CREB3L3: variants seen among roughly 807,000 people sequenced by gnomAD.
The protein encoded by CREB3L3 is cyclic AMP-responsive element-binding protein 3-like protein 3.
Under a neutral mutation model 44.6 loss-of-function variants are expected in CREB3L3, and 40 were observed. That is an observed-to-expected ratio of 0.90 (90% CI 0.70 to 1.17). CREB3L3 has a LOEUF of 1.17. Ranked by LOEUF, CREB3L3 falls within the 50% of genes most tolerant of loss-of-function variation. The probability of loss-of-function intolerance (pLI) is 0.00; values close to 1 mark genes in which losing one functional copy is unlikely to be tolerated. For missense variants in CREB3L3, 578 were observed against 595.8 expected (o/e 0.97, Z 0.31); for synonymous variants, 273 against 256.3 (o/e 1.06, Z -0.62).
chr19:4,171,246 T>G lies in CREB3L3; in HGVS notation c.975+71T>G. 1.3e-6 allele frequency: 2 copies of G among 1,485,174 alleles called. No individual in the cohort carries two copies. Among genetic ancestry groups the G allele is most frequent in the Non-Finnish European group, 1.9e-6 (2 of 1,063,534 alleles). The allele number at this position is 1,485,174 out of a possible 1,614,324, so 92.0% of individuals were successfully genotyped here. A position where few individuals can be genotyped will look rare whatever the true frequency, so the allele number is the denominator to read the frequency against. On this transcript the variant is annotated intron_variant, in intron 8 of 9. Coordinates refer to ENST00000078445, the MANE Select transcript of CREB3L3 (RefSeq NM_032607.3). This position sits in a 1 kb window ranked among gnomAD's most constrained non-coding sequence, Gnocchi z 4.9. ...AGAGGGGCCCATAGGGAGGTGACAATGAGTCCAAGCTCTCCTTGTGCCCCA... is the reference window on the plus strand; with the variant it reads ...AGAGGGGCCCATAGGGAGGTGACAAGGAGTCCAAGCTCTCCTTGTGCCCCA...
At position 4,173,009 on chromosome 19, in the gene CREB3L3, C is replaced by G. The variant is rs1044513907; in HGVS notation, c.*1040C>G. The G allele has an allele frequency of 2.6e-5, 4 of 152,902 alleles. No individual in the cohort carries two copies. The highest frequency in any genetic ancestry group is 6.5e-5 in the Admixed American group (1 of 15,298). 9.5% of individuals were successfully genotyped at this position (152,902 alleles called of 1,614,324 possible). ...GAGCAGCCACGGCCCACAATCACCCCCCTTTTCTAAGACTGCCTGATCCGA... is the reference window on the plus strand; with the variant it reads ...GAGCAGCCACGGCCCACAATCACCCGCCTTTTCTAAGACTGCCTGATCCGA... On this transcript the variant is annotated 3_prime_UTR_variant, in exon 10 of 10. Transcript: ENST00000078445.
chr19:4,157,119 C>A lies in CREB3L3; in HGVS notation c.281C>A (p.Pro94His). ...GSDSGISEDL[P>H]SDPQDTPPRS... The stretch of plus-strand genomic sequence containing the variant: ...GATAGTGGCATCTCCGAAGACCTCC[C>A]CTCCGACCCCCAGGACACCCCTCCA... The change falls in exon 3 of 10, where the codon CCC becomes CAC. Residue 94 changes from proline (P) to histidine (H), a missense_variant. Physicochemically the swap from Pro to His is moderately conservative, Grantham distance 77. Coordinates refer to ENST00000078445, the MANE Select transcript of CREB3L3 (RefSeq NM_032607.3). 1 of 1,614,062 alleles carries A rather than the reference C, an allele frequency of 6.2e-7. No homozygotes were observed. The highest frequency in any genetic ancestry group is 1.3e-5 in the African/African-American group (1 of 75,022).
At chr19:4,163,426 T>C (rs1202522332) in intron 4 of CREB3L3, among the ~76,000 whole-genome samples, 2 of 152,176 alleles carry the variant, frequency 1.3e-5, no homozygotes, top group South Asian at 2.1e-4. Context: ...TGAGGATATC[T>C]GTAGGACTGA....
At position 4,171,737 on chromosome 19, in the gene CREB3L3, G is replaced by A. The variant is rs138185635; in HGVS notation, c.1154G>A (p.Arg385Gln). 17 of 1,613,146 alleles carry A rather than the reference G, an allele frequency of 1.1e-5. No individual in the cohort carries two copies. The highest frequency in any genetic ancestry group is 6.7e-5 in the African/African-American group (5 of 74,888). ...CCAGGCTCCGAGGCCCCAGGACCCC[G>A]ACCCGAGGCTGACACAACCCGAGAA... is the stretch of plus-strand genomic sequence containing the variant. ...AVPGSEAPGP[R>Q]PEADTTREES... is the part of the protein sequence containing the mutation. Residue 385 changes from arginine (R) to glutamine (Q), a missense_variant, in exon 10 of 10, where the codon CGA becomes CAA. Physicochemically the swap from Arg to Gln is conservative, Grantham distance 43. Transcript: ENST00000078445. This position sits in a 1 kb window ranked among gnomAD's most constrained non-coding sequence, Gnocchi z 4.9.
intron 3 of CREB3L3, among the ~76,000 whole-genome samples, chr19:4,158,842 G>A (rs1260252698): frequency 6.6e-6 from 1 of 151,086 alleles, no homozygotes; most frequent in African/African-American, 2.4e-5. Flanking sequence ...GAGAGGTGAA[G>A]TCACTTACTC....
intron 7 of CREB3L3, 96 bp from the exon 8 acceptor site, chr19:4,170,995 A>C (rs1429757706): frequency 3.6e-5 from 30 of 833,752 alleles, no homozygotes; most frequent in Non-Finnish European, 6.4e-5. Context: ...AATGGATGGA[A>C]TTTGGACTTT....
At position 4,172,098 on chromosome 19, in the gene CREB3L3, G is replaced by A; in HGVS notation, c.*129G>A. 2.0e-6 allele frequency: 2 copies of A among 1,010,308 alleles called. No individual in the cohort carries two copies. The highest frequency in any genetic ancestry group is 2.8e-6 in the Non-Finnish European group (2 of 708,868). The allele number at this position is 1,010,308 out of a possible 1,614,324, so 62.6% of individuals were successfully genotyped here. On this transcript the variant is annotated 3_prime_UTR_variant, in exon 10 of 10. Transcript: ENST00000078445. Reference sequence around the variant, plus strand: ...CAGCAGAGATGCCAGAATGGGGGAGGCACAGCTCATAGCCACACACCCAGG... The same window carrying A: ...CAGCAGAGATGCCAGAATGGGGGAGACACAGCTCATAGCCACACACCCAGG...
intron 5 of CREB3L3, 59 bp from the exon 6 acceptor site, chr19:4,168,292 C>G: frequency 7.4e-7 from 1 of 1,358,338 alleles, no homozygotes; most frequent in Non-Finnish European, 1.0e-6. Context: ...AGCTACTGCC[C>G]CCGGACTCCA....
rs376031956 is a variant in CREB3L3, at chr19:4,167,448, A to T, written c.715-903A>T. 9.8e-4 allele frequency among the ~76,000 whole-genome samples: 124 copies of T among 126,484 alleles called. 1 individual carries two copies. The highest frequency in any genetic ancestry group is 3.4e-3 in the African/African-American group (123 of 35,968). The allele number at this position is 126,484 out of a possible 152,430, so 83.0% of individuals were successfully genotyped here. A position where few individuals can be genotyped will look rare whatever the true frequency, so the allele number is the denominator to read the frequency against. On this transcript the variant is annotated intron_variant, in intron 5 of 9. Coordinates refer to ENST00000078445, the MANE Select transcript of CREB3L3 (RefSeq NM_032607.3). ...AGAAAGAAAGAAAGGAAAGAAAGAAAGGAAGAAAAGAAGGAAAGAAAGGAA... is the reference window on the plus strand; with the variant it reads ...AGAAAGAAAGAAAGGAAAGAAAGAATGGAAGAAAAGAAGGAAAGAAAGGAA...
Position 4,172,654 on chromosome 19 carries a change from C to T in CREB3L3, c.*685C>T, listed in dbSNP as rs1461903486. The T allele has an allele frequency of 2.6e-5, 6 of 230,822 alleles. No homozygotes were observed. 14.3% of individuals were successfully genotyped at this position (230,822 alleles called of 1,614,324 possible). A position where few individuals can be genotyped will look rare whatever the true frequency, so the allele number is the denominator to read the frequency against. ...AAACAGACCCAGACACAGCCTGAAA[C>T]AGACCCGGACAGACAGACAGACACA... On this transcript the variant is annotated 3_prime_UTR_variant, in exon 10 of 10. Transcript: ENST00000078445.
chr19:4,164,226 G>A (rs929308644), intron 4 of CREB3L3, among the ~76,000 whole-genome samples: 5 of 151,874 alleles, frequency 3.3e-5, no homozygotes, highest in African/African-American at 1.2e-4. Context: ...GCCCACCTCG[G>A]CCTCCCAAAG....
chr19:4,164,101 G>A (rs2041695418), intron 4 of CREB3L3, among the ~76,000 whole-genome samples: 1 of 149,760 alleles, frequency 6.7e-6, no homozygotes. Context: ...AGCCTCGCAA[G>A]TAGCTGGTAT....
At chr19:4,159,484 T>A (rs1307795465) in intron 3 of CREB3L3, among the ~76,000 whole-genome samples, 180 bp from the exon 4 acceptor site, 1 of 151,858 alleles carries the variant, frequency 6.6e-6, no homozygotes, top group Non-Finnish European at 1.5e-5. Flanking sequence ...GGAGACCGAG[T>A]CACTAGTGAG....
At position 4,154,849 on chromosome 19, in the gene CREB3L3, G is replaced by A. The variant is rs4081614; in HGVS notation, c.28-50G>A. On this transcript the variant is annotated intron_variant, in intron 1 of 9. Coordinates refer to ENST00000078445, the MANE Select transcript of CREB3L3 (RefSeq NM_032607.3). Reference sequence around the variant, plus strand: ...CAGGGTTATGTGCACATGGGAGGTGGGGAGGACAGGGGCTGTATGTGACCC... The same window carrying A: ...CAGGGTTATGTGCACATGGGAGGTGAGGAGGACAGGGGCTGTATGTGACCC... The A allele has an allele frequency of 9.7e-3, 15,654 of 1,612,370 alleles. 1,383 individuals are homozygous for A. The African/African-American group carries it at 0.19, about 19-fold the overall frequency.
chr19:4,171,180 G>A lies in CREB3L3; in HGVS notation c.975+5G>A. On this transcript the variant is annotated splice_donor_5th_base_variant and intron_variant, in intron 8 of 9. Transcript: ENST00000078445. This position sits in a 1 kb window ranked among gnomAD's most constrained non-coding sequence, Gnocchi z 4.9. ...CAGACAGGCACCTGTGTCGCAGTGA[G>A]TCCTGGTGCCCCCAGGCAAGCCGGG... The A allele has an allele frequency of 6.2e-7, 1 of 1,613,438 alleles. No individual in the cohort carries two copies. Among genetic ancestry groups the A allele is most frequent in the South Asian group, 1.1e-5 (1 of 91,072 alleles).
chr19:4,158,556 C>T (rs1442732036), intron 3 of CREB3L3, among the ~76,000 whole-genome samples: 2 of 151,990 alleles, frequency 1.3e-5, no homozygotes, highest in Admixed American at 6.6e-5. Context: ...AATCCCAGCA[C>T]TTTGGGAGGC....
intron 5 of CREB3L3, among the ~76,000 whole-genome samples, chr19:4,166,683 A>T (rs1407684473): frequency 6.7e-6 from 1 of 150,294 alleles, no homozygotes; most frequent in East Asian, 2.0e-4. Context: ...GGTGTGAGCC[A>T]CCGTGCCTGG....
chr19:4,170,105 A>G (rs1208267050), intron 6 of CREB3L3, 35 bp from the exon 7 acceptor site: 5 of 1,608,898 alleles, frequency 3.1e-6, no homozygotes, highest in East Asian at 2.2e-5. Context: ...GGTGACTGGC[A>G]TATGCTGAAT....
At position 4,172,175 on chromosome 19, in the gene CREB3L3, G is replaced by C; in HGVS notation, c.*206G>C. 1 of 616,418 alleles carries C rather than the reference G, an allele frequency of 1.6e-6. No homozygotes were observed. Among genetic ancestry groups the C allele is most frequent in the Non-Finnish European group, 2.8e-6 (1 of 352,948 alleles). The allele number at this position is 616,418 out of a possible 1,614,324, so 38.2% of individuals were successfully genotyped here. A position where few individuals can be genotyped will look rare whatever the true frequency, so the allele number is the denominator to read the frequency against. On this transcript the variant is annotated 3_prime_UTR_variant, in exon 10 of 10. Transcript: ENST00000078445. ...GACACTCAGACACAAGGCAAAGAGG[G>C]CCACAGGACCCGGGAAATACACACA...
Sources: gnomAD v4.1 joint callset for allele counts (sites outside exome capture counted in the v4.1 genomes callset) on GRCh38, gnomAD v4.1.1 for gene constraint, Gnocchi (gnomAD v3.1) non-coding constraint, MANE v1.5 for transcripts, NCBI Gene and HGNC (gene_info 2026-07-23, HGNC 2026-07-21) for gene names.